Variants in PPARD observed in about 807,000 individuals in gnomAD.
PPARD encodes the protein peroxisome proliferator-activated receptor delta.
A neutral mutation model predicts 39.5 loss-of-function variants in PPARD; 6 were observed. The observed-to-expected ratio is 0.15, with a 90% CI of 0.08 to 0.30. The LOEUF is 0.30. Among genes scored for constraint, PPARD ranks in the 10% least tolerant of loss-of-function variants. The pLI is 1.00. For synonymous variants in PPARD, 210 were observed against 231.3 expected, an observed-to-expected ratio of 0.91 and a Z score of 0.83; for missense variants, 397 against 596.8, an observed-to-expected ratio of 0.67 and a Z score of 3.49.
In PPARD at chr6:35,411,129, G is replaced by A. The variant is rs754849740; in HGVS notation, c.42G>A (p.Glu14=). The A allele has an allele frequency of 1.9e-6, 3 of 1,588,334 alleles. No homozygotes were observed. Among genetic ancestry groups the A allele is most frequent in the Non-Finnish European group, 2.6e-6 (3 of 1,166,310 alleles). ...PQEEAPEVRE[E]EEKEEVAEAE... is the part of the protein sequence containing the mutation. Reference sequence around the variant, plus strand: ...AGGAAGCCCCTGAGGTCCGGGAAGAGGAGGAGAAAGAGGAAGTGGCAGAGG... The same window carrying A: ...AGGAAGCCCCTGAGGTCCGGGAAGAAGAGGAGAAAGAGGAAGTGGCAGAGG... Residue 14 remains glutamate (E), a synonymous_variant, in exon 3 of 8, where the codon GAG becomes GAA. Transcript: ENST00000360694.
In PPARD at chr6:35,412,086, G is replaced by A. The variant is rs1336655172; in HGVS notation, c.130+869G>A. On this transcript the variant is annotated intron_variant, in intron 3 of 7. Coordinates refer to ENST00000360694, the MANE Select transcript of PPARD (RefSeq NM_006238.5). This position sits in a 1 kb window ranked among gnomAD's most constrained non-coding sequence, Gnocchi z 4.1. ...TGGGATTATAGGCGTGCACCACCAC[G>A]CCCGGCTAATTTTTGTATTTTTTTA... Among the ~76,000 whole-genome samples the A allele has an allele frequency of 6.6e-6, 1 of 151,974 alleles. No individual in the cohort carries two copies. The highest frequency in any genetic ancestry group is 2.4e-5 in the African/African-American group (1 of 41,334).
At chr6:35,420,367 G>C (rs1388137031) in intron 4 of PPARD, 86 bp downstream of exon 4, 1 of 1,478,568 alleles carries the variant, frequency 6.8e-7, no homozygotes, top group Non-Finnish European at 9.0e-7. Context: ...CTTGCCTTGG[G>C]GTGGGGCCCT....
chr6:35,417,463 T>A (rs1034668772), intron 3 of PPARD, among the ~76,000 whole-genome samples: 8 of 152,018 alleles, frequency 5.3e-5, no homozygotes, highest in African/African-American at 1.9e-4. Flanking sequence ...TTTTTTTTTT[T>A]TACTTTTTAT....
intron 2 of PPARD, among the ~76,000 whole-genome samples, chr6:35,392,346 C>T (rs886769720): frequency 3.3e-5 from 5 of 152,178 alleles, no homozygotes; most frequent in Admixed American, 1.3e-4. Flanking sequence ...GGCTGTTGGA[C>T]GCTCCCCAGC....
In PPARD at chr6:35,426,046, T is replaced by C; in HGVS notation, c.1293T>C (p.Pro431=). 6.2e-7 allele frequency: 1 copy of C among 1,611,766 alleles called. No homozygotes were observed. The highest frequency in any genetic ancestry group is 2.2e-5 in the East Asian group (1 of 44,816). Residue 431 remains proline, a synonymous_variant, in exon 8 of 8, where the codon CCT becomes CCC. Coordinates refer to ENST00000360694, the MANE Select transcript of PPARD (RefSeq NM_006238.5). ...KKTETETSLH[P]LLQEIYKDMY is the part of the protein sequence containing the mutation. ...CCGAAACCGAGACCTCGCTGCACCC[T>C]CTGCTCCAGGAGATCTACAAGGACA...
At chr6:35,400,570 C>T (rs531099047) in intron 2 of PPARD, among the ~76,000 whole-genome samples, 4 of 152,164 alleles carry the variant, frequency 2.6e-5, no homozygotes, top group African/African-American at 9.6e-5. Context: ...GAGGCTGAGG[C>T]GGGTGGATAA....
At chr6:35,369,621 CCTG>C (rs1364129759) in intron 2 of PPARD, among the ~76,000 whole-genome samples, 1 of 152,146 alleles carries the variant, frequency 6.6e-6, no homozygotes, top group Non-Finnish European at 1.5e-5. Flanking sequence ...TGTTTTGAAA[CCTG>C]CTTTAAACAT....
At position 35,360,392 on chromosome 6, in the gene PPARD, G is replaced by A. The variant is rs570269151; in HGVS notation, c.-102+13242G>A. Among the ~76,000 whole-genome samples the A allele has an allele frequency of 8.5e-5, 13 of 152,314 alleles. No homozygotes were observed. The South Asian group carries it at 1.5e-3, about 17-fold the overall frequency. ...ATTCATGTTCTCCCTTAGGCCAGTC[G>A]TTACCCCACGGATGAGATCACCTTC... On this transcript the variant is annotated intron_variant, in intron 2 of 7. Transcript: ENST00000360694.
chr6:35,411,077 G>T lies in PPARD; in HGVS notation c.-11G>T. 4 of 1,513,088 alleles carry T rather than the reference G, an allele frequency of 2.6e-6. No homozygotes were observed. Among genetic ancestry groups the T allele is most frequent in the Non-Finnish European group, 3.5e-6 (4 of 1,128,892 alleles). The allele number at this position is 1,513,088 out of a possible 1,614,324, so 93.7% of individuals were successfully genotyped here. ...TGGGCCTGCAGGTGTGGCGCCGAGGGGAGATCAGCCATGGAGCAGCCACAG... is the reference window on the plus strand; with the variant it reads ...TGGGCCTGCAGGTGTGGCGCCGAGGTGAGATCAGCCATGGAGCAGCCACAG... On this transcript the variant is annotated 5_prime_UTR_variant, in exon 3 of 8. The change creates a premature stop within an existing upstream ORF in the 5' untranslated region. Transcript: ENST00000360694.
chr6:35,351,652 C>G (rs1379993168), intron 2 of PPARD, among the ~76,000 whole-genome samples: 1 of 151,970 alleles, frequency 6.6e-6, no homozygotes, highest in East Asian at 1.9e-4. Flanking sequence ...CTTCTGGGCT[C>G]AAGTAATCCT....
intron 2 of PPARD, among the ~76,000 whole-genome samples, chr6:35,377,927 G>C (rs1332809059): frequency 6.8e-6 from 1 of 147,000 alleles, no homozygotes; most frequent in African/African-American, 2.7e-5. Context: ...GCAGTGGTGC[G>C]ATCTTGGCTC....
At chr6:35,373,103 G>A (rs1762590986) in intron 2 of PPARD, among the ~76,000 whole-genome samples, 1 of 152,094 alleles carries the variant, frequency 6.6e-6, no homozygotes, top group South Asian at 2.1e-4. Context: ...GGTGAAAGTG[G>A]CCCAGCTAGT....
chr6:35,400,846 G>A (rs953076462), intron 2 of PPARD, among the ~76,000 whole-genome samples: 27 of 152,044 alleles, frequency 1.8e-4, no homozygotes, highest in African/African-American at 6.0e-4. Context: ...TGTCCACATT[G>A]TAACCACAGA....
chr6:35,360,442 G>A (rs1323758117), intron 2 of PPARD, among the ~76,000 whole-genome samples: 1 of 152,220 alleles, frequency 6.6e-6, no homozygotes, highest in Admixed American at 6.5e-5. Flanking sequence ...TGCAAGAGGT[G>A]TGTAGTGGTA....
At position 35,425,690 on chromosome 6, in the gene PPARD, T is replaced by G; in HGVS notation, c.1079-142T>G. The G allele has an allele frequency of 2.4e-6, 3 of 1,275,548 alleles. No homozygotes were observed. Among genetic ancestry groups the G allele is most frequent in the Non-Finnish European group, 3.2e-6 (3 of 925,786 alleles). The allele number at this position is 1,275,548 out of a possible 1,614,324, so 79.0% of individuals were successfully genotyped here. ...GGGGTAGGGAGATTAGAACACCCAG[T>G]GGAGCATTGCTGATGGGACAGGGCT... On this transcript the variant is annotated intron_variant, in intron 7 of 7. Coordinates refer to ENST00000360694, the MANE Select transcript of PPARD (RefSeq NM_006238.5). The surrounding 1 kb of genome is among the most constrained non-coding windows in gnomAD (Gnocchi z 4.5).
At chr6:35,393,640 T>C (rs1764144567) in intron 2 of PPARD, among the ~76,000 whole-genome samples, 1 of 152,216 alleles carries the variant, frequency 6.6e-6, no homozygotes, top group Non-Finnish European at 1.5e-5. Context: ...GTCAGAATTA[T>C]GTGAGAATTG....
Position 35,424,838 on chromosome 6 carries a change from C to T in PPARD, c.1078+59C>T, listed in dbSNP as rs537830530. On this transcript the variant is annotated intron_variant, in intron 7 of 7. Coordinates refer to ENST00000360694, the MANE Select transcript of PPARD (RefSeq NM_006238.5). The surrounding 1 kb of genome is among the most constrained non-coding windows in gnomAD (Gnocchi z 7.1). ...CACACCCAGTCGTCCTGGGGGTTGG[C>T]CCTCACTGCAGGGCACTGTGCCTGA... is the stretch of plus-strand genomic sequence containing the variant. The T allele has an allele frequency of 8.9e-6, 14 of 1,576,982 alleles. No individual in the cohort carries two copies. The highest frequency in any genetic ancestry group is 4.5e-5 in the East Asian group (2 of 44,564).
rs997491443 is a variant in PPARD, at chr6:35,343,424, G to A, written c.-186+743G>A. Among the ~76,000 whole-genome samples the A allele has an allele frequency of 8.6e-5, 13 of 151,950 alleles. No individual in the cohort carries two copies. In the East Asian group the frequency reaches 2.5e-3, roughly 29 times the overall value. On this transcript the variant is annotated intron_variant, in intron 1 of 7. Transcript: ENST00000360694. ...TATCAATTCTGTCCCCTACATTCCT[G>A]TCGCCCACCTCCTTTTCTCTCCCTG...
In PPARD at chr6:35,424,936, G is replaced by A. The variant is rs200995072; in HGVS notation, c.1078+157G>A. 3 of 1,440,534 alleles carry A rather than the reference G, an allele frequency of 2.1e-6. No individual in the cohort carries two copies. The highest frequency in any genetic ancestry group is 2.7e-6 in the Non-Finnish European group (3 of 1,101,896). The allele number at this position is 1,440,534 out of a possible 1,614,324, so 89.2% of individuals were successfully genotyped here. ...TGCAAGGCACTGACTGAGCATGCAG[G>A]ATCAGCTCCATCTCATTATGTACGT... On this transcript the variant is annotated intron_variant, in intron 7 of 7. Transcript: ENST00000360694. The surrounding 1 kb of genome is among the most constrained non-coding windows in gnomAD (Gnocchi z 7.1).
Sources: allele counts gnomAD v4.1 joint callset (sites outside exome capture counted in the v4.1 genomes callset), GRCh38; gene constraint gnomAD v4.1.1; non-coding constraint Gnocchi (gnomAD v3.1); transcripts MANE v1.5; gene names NCBI Gene and HGNC (gene_info 2026-07-23, HGNC 2026-07-21).